DPP10: variants seen among roughly 807,000 people sequenced by gnomAD.
DPP10 encodes the protein inactive dipeptidyl peptidase 10.
Under a neutral mutation model 120.9 loss-of-function variants are expected in DPP10, and 33 were observed. The observed-to-expected ratio is 0.27, with a 90% CI of 0.21 to 0.37. The LOEUF is 0.37. DPP10 is among the 10% of genes least tolerant of loss of function. DPP10 has a pLI of 1.00. For missense variants in DPP10, 816 were observed against 942.8 expected (o/e 0.87, Z 1.76); for synonymous variants, 337 against 326.1 (o/e 1.03, Z -0.36).
intron 19 of DPP10, among the ~76,000 whole-genome samples, chr2:115,809,896 G>T (rs141071395): frequency 0.018 from 2,777 of 152,142 alleles, 86 homozygotes; most frequent in African/African-American, 0.062. Flanking sequence ...GGGTGCGGTG[G>T]CTCACGCCTG....
chr2:115,805,630 A>T (rs570007867), intron 19 of DPP10, among the ~76,000 whole-genome samples: 1 of 147,640 alleles, frequency 6.8e-6, no homozygotes, highest in Non-Finnish European at 1.5e-5. Flanking sequence ...GCTGGAGTGC[A>T]GTGGTGCAAT....
At chr2:115,807,298 A>G (rs772610691) in intron 19 of DPP10, among the ~76,000 whole-genome samples, 1 of 152,050 alleles carries the variant, frequency 6.6e-6, no homozygotes, top group Non-Finnish European at 1.5e-5. Flanking sequence ...GTCCTTTTCT[A>G]TTGGTTGTAT....
chr2:114,900,444 T>A (rs1693464617), intron 1 of DPP10, among the ~76,000 whole-genome samples: 1 of 152,210 alleles, frequency 6.6e-6, no homozygotes, highest in Non-Finnish European at 1.5e-5. Context: ...GCTTTAACTG[T>A]CATTTGATTG....
intron 1 of DPP10, chr2:115,161,640 C>T (rs1435737018): frequency 4.0e-6 from 1 of 250,418 alleles, no homozygotes. Context: ...GGTCAGGGGC[C>T]GGGGCCCCGC....
chr2:114,521,251 G>GAC (rs60539029), intron 1 of DPP10, among the ~76,000 whole-genome samples: 14,400 of 144,392 alleles, frequency 0.1, 805 homozygotes, highest in African/African-American at 0.17. Context: ...CACATGCACA[G>GAC]ACACACACAC....
chr2:114,481,525 C>T (rs1392401619), intron 1 of DPP10, among the ~76,000 whole-genome samples: 1 of 152,058 alleles, frequency 6.6e-6, no homozygotes, highest in African/African-American at 2.4e-5. Context: ...TGGCATTTAT[C>T]CCAGAGAAAT....
At chr2:115,371,401 A>T (rs547813536) in intron 3 of DPP10, among the ~76,000 whole-genome samples, 2 of 152,308 alleles carry the variant, frequency 1.3e-5, no homozygotes, top group South Asian at 4.1e-4. Flanking sequence ...CAACAAATGT[A>T]GGCTTTTCAA....
intron 1 of DPP10, among the ~76,000 whole-genome samples, chr2:115,251,212 AAGAAAAGCTTCACAGCTTTCTTTC>A (rs2058736833): frequency 6.6e-6 from 1 of 152,210 alleles, no homozygotes; most frequent in Admixed American, 6.5e-5. Context: ...CGGCTTCTCT[AAGAAAAGCTTCACAGCTTTCTTTC>A]AGAAAAGCTT....
intron 1 of DPP10, among the ~76,000 whole-genome samples, chr2:115,046,732 A>G (rs954043504): frequency 7.2e-5 from 11 of 152,124 alleles, no homozygotes; most frequent in Non-Finnish European, 1.5e-4. Flanking sequence ...ACCACATATA[A>G]TTAACTTAAA....
At chr2:115,607,645 A>T (rs2083786683) in intron 5 of DPP10, among the ~76,000 whole-genome samples, 1 of 152,134 alleles carries the variant, frequency 6.6e-6, no homozygotes, top group Non-Finnish European at 1.5e-5. Context: ...TTACTTATTT[A>T]ATGTGAATCT....
At chr2:115,807,563 A>G (rs1686139736) in intron 19 of DPP10, among the ~76,000 whole-genome samples, 1 of 152,192 alleles carries the variant, frequency 6.6e-6, no homozygotes, top group Non-Finnish European at 1.5e-5. Context: ...CATCAGGCTA[A>G]GGAGACAATC....
intron 1 of DPP10, among the ~76,000 whole-genome samples, chr2:114,601,655 T>G (rs992031095): frequency 6.6e-6 from 1 of 151,976 alleles, no homozygotes; most frequent in African/African-American, 2.4e-5. Context: ...GCTTTATTGC[T>G]TTGAAACTTC....
At position 115,448,483 on chromosome 2, in the gene DPP10, C is replaced by T. The variant is rs1030223895; in HGVS notation, c.272-51027C>T. Reference sequence around the variant, plus strand: ...AGCCCCCTCCTCCCTTGAGTATCATCTGCTAGTATGGGAGAAAAATAATTC... The same window carrying T: ...AGCCCCCTCCTCCCTTGAGTATCATTTGCTAGTATGGGAGAAAAATAATTC... On this transcript the variant is annotated intron_variant, in intron 3 of 25. Coordinates refer to ENST00000410059, the MANE Select transcript of DPP10 (RefSeq NM_020868.6). Among the ~76,000 whole-genome samples, 100 of 152,248 alleles carry T rather than the reference C, an allele frequency of 6.6e-4. 1 individual carries two copies. The highest frequency in any genetic ancestry group is 1.2e-3 in the Non-Finnish European group (83 of 68,008).
intron 1 of DPP10, among the ~76,000 whole-genome samples, chr2:114,536,436 C>T (rs1397202164): frequency 4.1e-5 from 5 of 122,908 alleles, no homozygotes; most frequent in African/African-American, 9.4e-5. Context: ...GACGTAGTCT[C>T]GCTCTGTCAC....
At chr2:115,338,599 T>G (rs2063286403) in intron 2 of DPP10, among the ~76,000 whole-genome samples, 1 of 152,108 alleles carries the variant, frequency 6.6e-6, no homozygotes, top group Non-Finnish European at 1.5e-5. Context: ...CAGCTGGGAT[T>G]ATAGACATGA....
chr2:115,805,862 G>A (rs1867814), intron 19 of DPP10, among the ~76,000 whole-genome samples: 63,722 of 151,848 alleles, frequency 0.42, 16,319 homozygotes, highest in East Asian at 0.67. Context: ...GGTGTGAGCC[G>A]CCGCGCCCGG....
chr2:114,553,433 T>C (rs1305746144), intron 1 of DPP10, among the ~76,000 whole-genome samples: 2 of 152,224 alleles, frequency 1.3e-5, no homozygotes, highest in African/African-American at 4.8e-5. Context: ...AGATTTCCAG[T>C]GCCTGGGAAT....
At chr2:115,803,591 A>G (rs1210816602) in intron 19 of DPP10, among the ~76,000 whole-genome samples, 2 of 152,080 alleles carry the variant, frequency 1.3e-5, no homozygotes, top group Non-Finnish European at 2.9e-5. Context: ...TTCCATGTTT[A>G]GTGCTTCCTT....
intron 1 of DPP10, among the ~76,000 whole-genome samples, chr2:114,649,105 C>A (rs1316901686): frequency 1.3e-5 from 2 of 152,080 alleles, no homozygotes; most frequent in Non-Finnish European, 2.9e-5. Flanking sequence ...TTTTCCAGTA[C>A]CAGGAAAATC....
Sources: gnomAD v4.1 joint callset for allele counts (sites outside exome capture counted in the v4.1 genomes callset) on GRCh38, gnomAD v4.1.1 for gene constraint, MANE v1.5 for transcripts, NCBI Gene and HGNC (gene_info 2026-07-23, HGNC 2026-07-21) for gene names.